Variants in NRXN1 observed in about 807,000 individuals in gnomAD.
NRXN1 encodes neurexin-1.
Under a neutral mutation model 150.9 loss-of-function variants are expected in NRXN1, and 39 were observed. The ratio of observed to expected loss-of-function variants is 0.26; its 90% confidence interval spans 0.20 to 0.34. The LOEUF is 0.34. NRXN1 is among the 10% of genes least tolerant of loss of function. The pLI is 1.00. For missense variants in NRXN1, 1,815 were observed against 1,949.9 expected (o/e 0.93, Z 1.30); for synonymous variants, 924 against 757.0 (o/e 1.22, Z -3.62).
rs900357291 is a variant in NRXN1, at chr2:49,920,323, A to G, written c.*1621T>C. On this transcript the variant is annotated 3_prime_UTR_variant, in exon 23 of 23. Transcript: ENST00000401669. ...AGTCGAGAGAAAGTGTTTACTTTCC[A>G]GAAATGTTCATCATGCACATCAGAT... 2.0e-5 allele frequency: 3 copies of G among 152,626 alleles called. No individual in the cohort carries two copies. The highest frequency in any genetic ancestry group is 6.5e-5 in the Admixed American group (1 of 15,282). 9.5% of individuals were successfully genotyped at this position (152,626 alleles called of 1,614,324 possible).
chr2:50,322,453 T>C (rs990135368), intron 17 of NRXN1, among the ~76,000 whole-genome samples: 1 of 152,188 alleles, frequency 6.6e-6, no homozygotes, highest in Non-Finnish European at 1.5e-5. Flanking sequence ...TTTAAAAGTA[T>C]GCAAACACAT....
chr2:50,846,412 G>A (rs1044857123), intron 5 of NRXN1, among the ~76,000 whole-genome samples: 5 of 152,174 alleles, frequency 3.3e-5, no homozygotes, highest in East Asian at 1.9e-4. Flanking sequence ...CCTCTGGGTC[G>A]GCAAGCAAGA....
chr2:50,706,226 G>A (rs1025352072), intron 5 of NRXN1, among the ~76,000 whole-genome samples: 1 of 152,126 alleles, frequency 6.6e-6, no homozygotes, highest in African/African-American at 2.4e-5. Context: ...TTTAAGTAAT[G>A]TAAGTGAACT....
intron 5 of NRXN1, among the ~76,000 whole-genome samples, chr2:50,652,152 C>T (rs1685733672): frequency 6.6e-6 from 1 of 152,000 alleles, no homozygotes; most frequent in Admixed American, 6.6e-5. Context: ...TCAGCCATCC[C>T]CATCCCTTTT....
At chr2:50,930,757 A>T (rs1235629546) in intron 2 of NRXN1, among the ~76,000 whole-genome samples, 1 of 152,060 alleles carries the variant, frequency 6.6e-6, no homozygotes, top group Non-Finnish European at 1.5e-5. Flanking sequence ...ACCTATTTTT[A>T]TTTTTTATTG....
intron 5 of NRXN1, among the ~76,000 whole-genome samples, chr2:50,652,984 T>C (rs1466242506): frequency 2.1e-4 from 32 of 152,068 alleles, no homozygotes; most frequent in Admixed American, 2.0e-3. Context: ...TTTTATTTTG[T>C]TTTCATTCCT....
In NRXN1 at chr2:50,192,019, GT is replaced by G. The variant is rs886866341; in HGVS notation, c.3546+44769del. Reference sequence around the variant, plus strand: ...GAGTAAGAGGGCATACTTTCATAAAGTTTTTTTTTAAGTCCTAAAAAGAGGA... The same window carrying G: ...GAGTAAGAGGGCATACTTTCATAAAGTTTTTTTTAAGTCCTAAAAAGAGGA... On this transcript the variant is annotated intron_variant, in intron 18 of 22. Transcript: ENST00000401669. Among the ~76,000 whole-genome samples, 248 of 151,368 alleles carry G rather than the reference GT, an allele frequency of 1.6e-3. 1 individual carries two copies. Among genetic ancestry groups the G allele is most frequent in the Middle Eastern group, 3.4e-3 (1 of 294 alleles).
At position 50,526,843 on chromosome 2, in the gene NRXN1, C is replaced by G. The variant is rs6744125; in HGVS notation, c.2374+1782G>C. The G allele has an allele frequency of 2.2e-3, 328 of 152,242 alleles. 2 individuals are homozygous for G. The highest frequency in any genetic ancestry group is 7.7e-3 in the African/African-American group (321 of 41,558). 9.4% of individuals were successfully genotyped at this position (152,242 alleles called of 1,614,324 possible). On this transcript the variant is annotated intron_variant, in intron 12 of 22. Transcript: ENST00000401669. ...CTCATTAAAAAGGGAAAACAATTCACTAAACAGCAAAAACCTTTGTCCTCA... is the reference window on the plus strand; with the variant it reads ...CTCATTAAAAAGGGAAAACAATTCAGTAAACAGCAAAAACCTTTGTCCTCA...
chr2:50,101,714 C>T (rs927779142), intron 18 of NRXN1, among the ~76,000 whole-genome samples: 1 of 151,942 alleles, frequency 6.6e-6, no homozygotes, highest in Non-Finnish European at 1.5e-5. Flanking sequence ...AAGCCATAAG[C>T]TACATACAGT....
chr2:50,757,902 A>AG, intron 5 of NRXN1: 1 of 151,898 alleles, frequency 6.6e-6, no homozygotes, highest in South Asian at 2.1e-4. Flanking sequence ...ACCAGTCTTG[A>AG]GGCTCTCTTG....
At chr2:50,434,371 C>A (rs559782087) in intron 17 of NRXN1, among the ~76,000 whole-genome samples, 2 of 152,116 alleles carry the variant, frequency 1.3e-5, no homozygotes, top group African/African-American at 2.4e-5. Flanking sequence ...CGTGAGCCAC[C>A]TCGCCCGGCC....
chr2:50,241,771 G>A (rs1052578495), intron 17 of NRXN1, among the ~76,000 whole-genome samples: 1 of 151,710 alleles, frequency 6.6e-6, no homozygotes, highest in African/African-American at 2.4e-5. Context: ...TTTACATATA[G>A]GGCTCTCTCC....
chr2:50,226,482 G>A (rs187116562), intron 18 of NRXN1, among the ~76,000 whole-genome samples: 2 of 152,084 alleles, frequency 1.3e-5, no homozygotes, highest in Non-Finnish European at 2.9e-5. Flanking sequence ...AGAAAAGGAG[G>A]TAGAAGAGAA....
At chr2:50,327,954 T>G (rs999372853) in intron 17 of NRXN1, among the ~76,000 whole-genome samples, 1 of 152,296 alleles carries the variant, frequency 6.6e-6, no homozygotes, top group Admixed American at 6.5e-5. Context: ...CGGCCACTTC[T>G]TTTTCTTACA....
intron 18 of NRXN1, among the ~76,000 whole-genome samples, chr2:50,160,554 T>C (rs1382639353): frequency 6.6e-6 from 1 of 150,518 alleles, no homozygotes; most frequent in Non-Finnish European, 1.5e-5. Context: ...AAAAAAAAAA[T>C]GGCTTTCTGT....
At chr2:50,267,929 C>T (rs1034342526) in intron 17 of NRXN1, among the ~76,000 whole-genome samples, 4 of 152,112 alleles carry the variant, frequency 2.6e-5, no homozygotes, top group Non-Finnish European at 5.9e-5. Flanking sequence ...GCGGCTCACA[C>T]CTGTAATCCT....
chr2:50,752,299 T>C lies in NRXN1; in HGVS notation c.833-128684A>G, dbSNP rs545678399. Among the ~76,000 whole-genome samples, 8 of 152,100 alleles carry C rather than the reference T, an allele frequency of 5.3e-5. 1 individual carries two copies. In the South Asian group the frequency reaches 1.5e-3, roughly 28 times the overall value. On this transcript the variant is annotated intron_variant, in intron 5 of 22. Coordinates refer to ENST00000401669, the MANE Select transcript of NRXN1 (RefSeq NM_001330078.2). ...ACACTTAGGCTTCTGAAGATGGAAA[T>C]ACACTGCACAGGGTATTAACTTCTG... is the stretch of plus-strand genomic sequence containing the variant.
At chr2:50,434,297 T>A (rs1362909205) in intron 17 of NRXN1, among the ~76,000 whole-genome samples, 2 of 151,884 alleles carry the variant, frequency 1.3e-5, no homozygotes, top group Non-Finnish European at 2.9e-5. Flanking sequence ...TTGGCCAGGA[T>A]GGTCTCGATC....
chr2:50,110,629 G>A lies in NRXN1; in HGVS notation c.3547-19135C>T, dbSNP rs182942117. ...ATGTGGGGTGTGTGTGCGTATGTGC[G>A]TGCAAATTAATAAGTCCTAGACAAT... On this transcript the variant is annotated intron_variant, in intron 18 of 22. Transcript: ENST00000401669. Among the ~76,000 whole-genome samples the A allele has an allele frequency of 7.2e-5, 11 of 152,094 alleles. No individual in the cohort carries two copies. In the South Asian group the frequency reaches 1.7e-3, roughly 23 times the overall value.
Sources: gnomAD v4.1 joint callset for allele counts (sites outside exome capture counted in the v4.1 genomes callset) on GRCh38, gnomAD v4.1.1 for gene constraint, MANE v1.5 for transcripts, NCBI Gene and HGNC (gene_info 2026-07-23, HGNC 2026-07-21) for gene names.